The following RARB variants were observed in gnomAD, a reference collection of about 807,000 sequenced individuals.
RARB encodes retinoic acid receptor beta, also known as HBV-activated protein.
Under a neutral mutation model 51.9 loss-of-function variants are expected in RARB, and 17 were observed. That is an observed-to-expected ratio of 0.33 (90% CI 0.22 to 0.49). The LOEUF (loss-of-function observed/expected upper bound fraction) is 0.49. Among genes scored for constraint, RARB ranks in the 20% least tolerant of loss-of-function variants. The probability of loss-of-function intolerance (pLI) is 0.99; values close to 1 mark genes in which losing one functional copy is unlikely to be tolerated. For missense variants in RARB, 369 were observed against 550.8 expected (o/e 0.67, Z 3.30); for synonymous variants, 215 against 195.4 (o/e 1.10, Z -0.84).
At chr3:25,307,882 C>A (rs1389084987) in intron 5 of RARB, among the ~76,000 whole-genome samples, 1 of 152,196 alleles carries the variant, frequency 6.6e-6, no homozygotes, top group Admixed American at 6.5e-5. Context: ...GGAACACAAT[C>A]ATGTTTATTT....
chr3:24,923,472 C>T (rs1451639884), intron 2 of RARB, among the ~76,000 whole-genome samples: 2 of 152,018 alleles, frequency 1.3e-5, no homozygotes, highest in Non-Finnish European at 2.9e-5. Context: ...TATTTTAAAA[C>T]CTTATATAGG....
intron 3 of RARB, among the ~76,000 whole-genome samples, chr3:25,546,754 A>G (rs1699636764): frequency 6.6e-6 from 1 of 152,218 alleles, no homozygotes; most frequent in Admixed American, 6.5e-5. Flanking sequence ...AGGGATATAA[A>G]TCATAATTCT....
At chr3:25,331,814 T>G (rs547151956) in intron 5 of RARB, among the ~76,000 whole-genome samples, 1 of 152,040 alleles carries the variant, frequency 6.6e-6, no homozygotes, top group East Asian at 1.9e-4. Context: ...AAGAATCAAA[T>G]AGACACAATA....
intron 5 of RARB, among the ~76,000 whole-genome samples, chr3:25,315,919 T>C (rs1559354605): frequency 6.6e-6 from 1 of 152,118 alleles, no homozygotes; most frequent in African/African-American, 2.4e-5. Flanking sequence ...GCACCTGACC[T>C]ACATTAATCT....
intron 5 of RARB, among the ~76,000 whole-genome samples, chr3:25,175,810 A>G (rs544764458): frequency 1.3e-4 from 20 of 152,158 alleles, no homozygotes; most frequent in African/African-American, 4.6e-4. Flanking sequence ...ATGTCTCTGG[A>G]ATTGCCTAAA....
chr3:25,169,817 G>A (rs1212293163), intron 4 of RARB, among the ~76,000 whole-genome samples: 11 of 151,838 alleles, frequency 7.2e-5, no homozygotes, highest in East Asian at 1.9e-4. Flanking sequence ...ACAAAACCAC[G>A]TCTCTACAAA....
intron 5 of RARB, among the ~76,000 whole-genome samples, chr3:25,396,539 G>A (rs948452142): frequency 6.6e-6 from 1 of 152,180 alleles, no homozygotes; most frequent in Admixed American, 6.5e-5. Flanking sequence ...GGGGATACAA[G>A]CTTGCCCTAA....
At chr3:25,393,007 A>G (rs6794841) in intron 5 of RARB, among the ~76,000 whole-genome samples, 25,313 of 151,966 alleles carry the variant, frequency 0.17, 2,375 homozygotes, top group Admixed American at 0.3. Context: ...CCCATACAGT[A>G]TAATGTTGGC....
chr3:25,406,560 T>A (rs1485729616), intron 5 of RARB, among the ~76,000 whole-genome samples: 1 of 152,210 alleles, frequency 6.6e-6, no homozygotes, highest in Admixed American at 6.5e-5. Context: ...CTTATAAGGA[T>A]ATTGGATAAT....
chr3:24,867,234 G>C (rs920645614), intron 2 of RARB, among the ~76,000 whole-genome samples: 18 of 152,068 alleles, frequency 1.2e-4, no homozygotes, highest in African/African-American at 4.3e-4. Context: ...TTACAAAGGT[G>C]GTTAAGTTTT....
At chr3:25,089,639 A>C (rs768303746) in intron 3 of RARB, among the ~76,000 whole-genome samples, 1 of 152,150 alleles carries the variant, frequency 6.6e-6, no homozygotes, top group East Asian at 1.9e-4. Context: ...GCGCCTATTG[A>C]TAGAGACTTT....
intron 3 of RARB, 84 bp downstream of exon 3, chr3:25,501,407 C>G: frequency 6.6e-7 from 1 of 1,519,186 alleles, no homozygotes; most frequent in Non-Finnish European, 8.9e-7. Context: ...GGAATTCACA[C>G]ACGACACTAA....
At chr3:25,392,489 C>T (rs185780298) in intron 5 of RARB, among the ~76,000 whole-genome samples, 265 of 152,180 alleles carry the variant, frequency 1.7e-3, no homozygotes, top group African/African-American at 6.0e-3. Context: ...GCAGTATGGC[C>T]ATTTTTACAA....
Position 25,034,843 on chromosome 3 carries a change from G to T in RARB, c.-379-25282G>T, listed in dbSNP as rs77788877. On this transcript the variant is annotated intron_variant, in intron 2 of 11. Transcript: ENST00000383772. ...ACTTCCAGTGTCTCTTGGAAATTCA[G>T]AAGACCTGGAAACATTGGAGTGCCA... Among the ~76,000 whole-genome samples the T allele has an allele frequency of 5.0e-3, 767 of 152,264 alleles. 44 individuals carry two copies. In the East Asian group the frequency reaches 0.12, roughly 23 times the overall value.
rs1280949890 is a variant in RARB, at chr3:25,393,346, C to G, written c.179-67847C>G. 2.6e-5 allele frequency among the ~76,000 whole-genome samples: 4 copies of G among 151,314 alleles called. 1 individual carries two copies. The highest frequency in any genetic ancestry group is 2.6e-4 in the Admixed American group (4 of 15,178). On this transcript the variant is annotated intron_variant, in intron 5 of 11. Transcript: ENST00000383772. Reference sequence around the variant, plus strand: ...GTCTATGTTCATCAGGGATATTGGTCTGTAGTTTTTTGTTATGTCCTTTAC... The same window carrying G: ...GTCTATGTTCATCAGGGATATTGGTGTGTAGTTTTTTGTTATGTCCTTTAC...
At chr3:25,546,326 A>C (rs1699614999) in intron 3 of RARB, among the ~76,000 whole-genome samples, 1 of 152,200 alleles carries the variant, frequency 6.6e-6, no homozygotes, top group Non-Finnish European at 1.5e-5. Flanking sequence ...AATAGCATCC[A>C]GGTGTCTGCT....
chr3:25,572,894 A>G (rs1262394414), intron 4 of RARB, among the ~76,000 whole-genome samples: 2 of 151,860 alleles, frequency 1.3e-5, no homozygotes, highest in Non-Finnish European at 2.9e-5. Context: ...AACAGCTCCC[A>G]CTCTAACCTG....
chr3:25,585,802 C>A (rs1242699546), intron 5 of RARB, among the ~76,000 whole-genome samples: 1 of 152,048 alleles, frequency 6.6e-6, no homozygotes, highest in Non-Finnish European at 1.5e-5. Context: ...TTTGTCAACA[C>A]AGGAGGAAGC....
At chr3:24,958,255 GTTTTTTTTTTTT>G (rs71057692) in intron 2 of RARB, among the ~76,000 whole-genome samples, 967 of 69,558 alleles carry the variant, frequency 0.014, 29 homozygotes, top group African/African-American at 0.039. Flanking sequence ...AGCTGCTCAG[GTTTTTTTTTTTT>G]TTTTTTTTTT....
Sources: gnomAD v4.1 joint callset for allele counts (sites outside exome capture counted in the v4.1 genomes callset) on GRCh38, gnomAD v4.1.1 for gene constraint, MANE v1.5 for transcripts, NCBI Gene and HGNC (gene_info 2026-07-23, HGNC 2026-07-21) for gene names.